The following ADAMTS12 variants were observed in gnomAD, a reference collection of about 807,000 sequenced individuals.
The protein encoded by ADAMTS12 is ADAM metallopeptidase with thrombospondin type 1 motif 12, also known as A disintegrin and metalloproteinase with thrombospondin motifs 12.
In ADAMTS12, 118 loss-of-function variants were observed where a neutral mutation model predicts 167.8. That is an observed-to-expected ratio of 0.70 (90% CI 0.61 to 0.82). The LOEUF is 0.82. ADAMTS12 is among the 40% of genes least tolerant of loss of function. ADAMTS12 has a pLI of 0.00. For missense variants in ADAMTS12, 1,916 were observed against 1,998.8 expected (o/e 0.96, Z 0.79); for synonymous variants, 704 against 716.9 (o/e 0.98, Z 0.29).
At chr5:33,676,670 ACT>A (rs1303899017) in intron 5 of ADAMTS12, among the ~76,000 whole-genome samples, 1 of 136,650 alleles carries the variant, frequency 7.3e-6, no homozygotes, top group African/African-American at 2.9e-5. Flanking sequence ...ACAGAGTGAG[ACT>A]CTGTCTATCT....
At chr5:33,679,056 T>C (rs1043066458) in intron 5 of ADAMTS12, among the ~76,000 whole-genome samples, 3 of 152,200 alleles carry the variant, frequency 2.0e-5, no homozygotes, top group African/African-American at 7.2e-5. Flanking sequence ...ATGAGCAACA[T>C]GGGACAAACC....
intron 2 of ADAMTS12, among the ~76,000 whole-genome samples, chr5:33,873,166 T>A (rs35737202): frequency 0.035 from 4,217 of 120,806 alleles, 179 homozygotes; most frequent in East Asian, 0.22. Flanking sequence ...TATGTAGATT[T>A]AAAAAAAAAA....
Position 33,827,711 on chromosome 5 carries a change from ATAGATAGATAGATAGATAG to A in ADAMTS12, c.489+53389_489+53407del, listed in dbSNP as rs1561294069. On this transcript the variant is annotated intron_variant, in intron 2 of 23. Transcript: ENST00000504830. ...TGGATATGTCCTTGGAGAAAACAAA[ATAGATAGATAGATAGATAG>A]ATAGATAGATAGATAGATAGATAGA... Among the ~76,000 whole-genome samples the A allele has an allele frequency of 5.4e-3, 554 of 101,792 alleles. 5 individuals are homozygous for A. The highest frequency in any genetic ancestry group is 0.019 in the African/African-American group (509 of 26,770). The allele number at this position is 101,792 out of a possible 152,430, so 66.8% of individuals were successfully genotyped here. A position where few individuals can be genotyped will look rare whatever the true frequency, so the allele number is the denominator to read the frequency against.
chr5:33,634,694 T>G (rs905856325), intron 12 of ADAMTS12, among the ~76,000 whole-genome samples: 2 of 152,082 alleles, frequency 1.3e-5, no homozygotes, highest in Non-Finnish European at 2.9e-5. Context: ...ATAATCTTAT[T>G]GTAATCCCCA....
intron 21 of ADAMTS12, among the ~76,000 whole-genome samples, chr5:33,548,830 C>A (rs986643626): frequency 6.6e-6 from 1 of 152,098 alleles, no homozygotes; most frequent in Non-Finnish European, 1.5e-5. Context: ...ACTGCAGAAG[C>A]CTCAGAGAGC....
intron 1 of ADAMTS12, 147 bp downstream of exon 1, chr5:33,891,583 A>G: frequency 1.7e-6 from 2 of 1,191,220 alleles, no homozygotes; most frequent in Non-Finnish European, 2.4e-6. Flanking sequence ...TAGGCTCCTG[A>G]GGTCCCAGCC....
intron 22 of ADAMTS12, among the ~76,000 whole-genome samples, chr5:33,536,454 CTT>C (rs938454153): frequency 4.3e-4 from 66 of 152,016 alleles, no homozygotes; most frequent in African/African-American, 1.6e-3. Flanking sequence ...TCTCTCTGCT[CTT>C]GTCTGCTGCC....
intron 7 of ADAMTS12, among the ~76,000 whole-genome samples, chr5:33,655,273 T>G (rs1049870877): frequency 1.3e-5 from 2 of 152,090 alleles, no homozygotes; most frequent in Non-Finnish European, 2.9e-5. Context: ...ACCTGGGATT[T>G]CTCCAGAGCC....
At chr5:33,725,992 C>T (rs992819317) in intron 3 of ADAMTS12, among the ~76,000 whole-genome samples, 5 of 152,034 alleles carry the variant, frequency 3.3e-5, no homozygotes, top group African/African-American at 1.2e-4. Context: ...ACTGTAAAAC[C>T]AAGGAAACAA....
chr5:33,568,432 T>C, intron 19 of ADAMTS12, among the ~76,000 whole-genome samples: 1 of 152,350 alleles, frequency 6.6e-6, no homozygotes, highest in South Asian at 2.1e-4. Context: ...GATTACTTTA[T>C]ATAAAAGAAT....
At chr5:33,729,147 C>T (rs1744087738) in intron 3 of ADAMTS12, among the ~76,000 whole-genome samples, 1 of 152,150 alleles carries the variant, frequency 6.6e-6, no homozygotes, top group African/African-American at 2.4e-5. Flanking sequence ...TTATATTATA[C>T]AAACTATTAA....
intron 16 of ADAMTS12, among the ~76,000 whole-genome samples, chr5:33,611,605 A>C (rs1234970225): frequency 6.6e-6 from 1 of 152,216 alleles, no homozygotes; most frequent in African/African-American, 2.4e-5. Context: ...CAGAATATTT[A>C]TATTCTTTGA....
chr5:33,647,036 A>G (rs921554262), intron 9 of ADAMTS12, among the ~76,000 whole-genome samples: 9 of 152,292 alleles, frequency 5.9e-5, no homozygotes, highest in Non-Finnish European at 7.4e-5. Flanking sequence ...GATACATGAT[A>G]TAAAATACAG....
At chr5:33,630,720 C>A (rs747004495) in intron 13 of ADAMTS12, 60 bp downstream of exon 13, 12 of 1,555,036 alleles carry the variant, frequency 7.7e-6, no homozygotes, top group Non-Finnish European at 1.1e-5. Flanking sequence ...CATCTGACTT[C>A]CCAAATTAGT....
At chr5:33,775,734 C>A (rs1475435471) in intron 2 of ADAMTS12, among the ~76,000 whole-genome samples, 1 of 152,208 alleles carries the variant, frequency 6.6e-6, no homozygotes, top group Non-Finnish European at 1.5e-5. Flanking sequence ...CCCAAGCCTG[C>A]AGCCTGGTGC....
intron 2 of ADAMTS12, among the ~76,000 whole-genome samples, chr5:33,800,958 T>C (rs935861253): frequency 3.3e-4 from 51 of 152,316 alleles, no homozygotes; most frequent in African/African-American, 1.2e-3. Context: ...AGGTGGGTCC[T>C]AAATGTAGTC....
chr5:33,656,315 G>A (rs1579805573), intron 7 of ADAMTS12, among the ~76,000 whole-genome samples: 1 of 152,232 alleles, frequency 6.6e-6, no homozygotes, highest in East Asian at 1.9e-4. Context: ...CCCAAGTAAT[G>A]TTACCATGAG....
At chr5:33,836,285 G>A (rs1229312524) in intron 2 of ADAMTS12, among the ~76,000 whole-genome samples, 1 of 152,070 alleles carries the variant, frequency 6.6e-6, no homozygotes, top group Non-Finnish European at 1.5e-5. Flanking sequence ...GGAATGACTT[G>A]AAAGGTCCCA....
chr5:33,838,446 G>A (rs1442375407), intron 2 of ADAMTS12, among the ~76,000 whole-genome samples: 1 of 152,220 alleles, frequency 6.6e-6, no homozygotes, highest in Non-Finnish European at 1.5e-5. Flanking sequence ...ACTTTGGGAA[G>A]CCGAAGAAGG....
Sources: gnomAD v4.1 joint callset for allele counts (sites outside exome capture counted in the v4.1 genomes callset) on GRCh38, gnomAD v4.1.1 for gene constraint, MANE v1.5 for transcripts, NCBI Gene and HGNC (gene_info 2026-07-23, HGNC 2026-07-21) for gene names.